Variants in MCC observed in about 807,000 individuals in gnomAD.
MCC encodes colorectal mutant cancer protein.
MCC carries 90 observed loss-of-function variants against 116.2 expected under a neutral mutation model. That is an observed-to-expected ratio of 0.77 (90% confidence interval 0.65 to 0.92). The LOEUF (loss-of-function observed/expected upper bound fraction) is 0.92. MCC is among the 40% of genes least tolerant of loss of function. The pLI, the probability that MCC is intolerant of heterozygous loss-of-function variation, is 0.00. For synonymous variants in MCC, 578 were observed against 510.5 expected (o/e 1.13, Z -1.78); for missense variants, 1,516 against 1,312.2 (o/e 1.16, Z -2.40).
chr5:113,070,615 G>A lies in MCC; in HGVS notation c.1925+479C>T, dbSNP rs562034806. Among the ~76,000 whole-genome samples the A allele has an allele frequency of 8.2e-4, 125 of 152,230 alleles. 1 individual carries two copies. Among genetic ancestry groups the A allele is most frequent in the Non-Finnish European group, 1.6e-3 (106 of 68,002 alleles). ...TATCTGCATTAAATTATTCATCATA[G>A]AATTATTTTTAATATCAAAAGTCTA... is the stretch of plus-strand genomic sequence containing the variant. On this transcript the variant is annotated intron_variant, in intron 12 of 18. Coordinates refer to ENST00000408903, the MANE Select transcript of MCC (RefSeq NM_001085377.2).
intron 15 of MCC, among the ~76,000 whole-genome samples, chr5:113,053,386 A>T (rs1030430579): frequency 2.0e-5 from 3 of 152,134 alleles, no homozygotes; most frequent in African/African-American, 7.2e-5. Flanking sequence ...CAGCAACCCA[A>T]GACATATTTC....
At chr5:113,248,486 C>G (rs2150342450) in intron 3 of MCC, among the ~76,000 whole-genome samples, 1 of 152,206 alleles carries the variant, frequency 6.6e-6, no homozygotes, top group Admixed American at 6.5e-5. Flanking sequence ...ATGAGCATCC[C>G]AACTTTGAAA....
chr5:113,426,678 A>T (rs900763866), intron 1 of MCC, among the ~76,000 whole-genome samples: 2 of 152,184 alleles, frequency 1.3e-5, no homozygotes, highest in African/African-American at 4.8e-5. Context: ...ATGAACAAAG[A>T]AAAGGAAAAG....
chr5:113,076,123 G>C (rs1282531016), intron 11 of MCC, among the ~76,000 whole-genome samples: 1 of 152,130 alleles, frequency 6.6e-6, no homozygotes, highest in East Asian at 1.9e-4. Context: ...AAGTCAGCAA[G>C]ACCAAGAACC....
intron 3 of MCC, among the ~76,000 whole-genome samples, chr5:113,276,003 C>T (rs1338176061): frequency 1.3e-5 from 2 of 150,690 alleles, no homozygotes; most frequent in African/African-American, 4.9e-5. Flanking sequence ...CAGGCCAACC[C>T]CAACTCCCAT....
At chr5:113,101,495 A>C in intron 8 of MCC, 1 of 527,300 alleles carries the variant, frequency 1.9e-6, no homozygotes, top group East Asian at 3.2e-5. Context: ...CCCCGATGTA[A>C]TTTTATCAAC....
At chr5:113,191,510 A>T (rs1197202065) in intron 3 of MCC, among the ~76,000 whole-genome samples, 2 of 152,136 alleles carry the variant, frequency 1.3e-5, no homozygotes, top group Non-Finnish European at 2.9e-5. Context: ...GTTCCTTTAG[A>T]CAGGTGGAAG....
chr5:113,429,754 T>C (rs1010937373), intron 1 of MCC, among the ~76,000 whole-genome samples: 21 of 152,210 alleles, frequency 1.4e-4, no homozygotes, highest in Non-Finnish European at 4.4e-5. Context: ...AGAGAAATTC[T>C]GAGGGCACTT....
At chr5:113,311,217 C>A (rs1278946326) in intron 3 of MCC, among the ~76,000 whole-genome samples, 1 of 152,188 alleles carries the variant, frequency 6.6e-6, no homozygotes, top group East Asian at 1.9e-4. Context: ...CATACTTTAC[C>A]CATGCCTGTA....
At chr5:113,467,487 T>G (rs1771944552) in intron 1 of MCC, among the ~76,000 whole-genome samples, 1 of 152,184 alleles carries the variant, frequency 6.6e-6, no homozygotes, top group Non-Finnish European at 1.5e-5. Context: ...AAAGATCAGA[T>G]AGTTGTAGAT....
At chr5:113,069,719 C>A (rs1303001306) in intron 12 of MCC, among the ~76,000 whole-genome samples, 1 of 152,168 alleles carries the variant, frequency 6.6e-6, no homozygotes, top group Non-Finnish European at 1.5e-5. Context: ...GTAGCTGGGA[C>A]TACAGGCGTC....
intron 16 of MCC, among the ~76,000 whole-genome samples, chr5:113,045,274 TTGGAA>T (rs1434771975): frequency 6.6e-6 from 1 of 152,134 alleles, no homozygotes; most frequent in Non-Finnish European, 1.5e-5. Context: ...TGGATAAGAT[TTGGAA>T]TCCAGCTGTG....
intron 3 of MCC, among the ~76,000 whole-genome samples, chr5:113,205,282 G>C (rs920464395): frequency 2.0e-5 from 3 of 152,132 alleles, no homozygotes; most frequent in Admixed American, 2.0e-4. Flanking sequence ...ACAGTTAAAG[G>C]CCTAGAGGCA....
chr5:113,227,685 A>G (rs1763796007), intron 3 of MCC, among the ~76,000 whole-genome samples: 1 of 152,256 alleles, frequency 6.6e-6, no homozygotes, highest in African/African-American at 2.4e-5. Context: ...GATGGCTTAT[A>G]AATTTTTCAT....
chr5:113,128,397 C>T (rs1021581556), intron 5 of MCC, among the ~76,000 whole-genome samples: 2 of 152,132 alleles, frequency 1.3e-5, no homozygotes, highest in Non-Finnish European at 2.9e-5. Flanking sequence ...GGCTGGCTTT[C>T]TTTTAAAGAA....
chr5:113,142,200 A>C (rs1759220361), intron 5 of MCC, among the ~76,000 whole-genome samples: 1 of 147,188 alleles, frequency 6.8e-6, no homozygotes. Context: ...ATGCATCCAA[A>C]GTTTCCTCTG....
chr5:113,459,419 T>A (rs1419153844), intron 1 of MCC, among the ~76,000 whole-genome samples: 1 of 151,680 alleles, frequency 6.6e-6, no homozygotes, highest in Non-Finnish European at 1.5e-5. Flanking sequence ...GTGCCTGTAG[T>A]CCCAGCTACT....
chr5:113,176,734 T>A (rs1761355193), intron 3 of MCC, among the ~76,000 whole-genome samples: 1 of 152,200 alleles, frequency 6.6e-6, no homozygotes, highest in South Asian at 2.1e-4. Context: ...TACAGGCCCA[T>A]TTACCCAAAC....
intron 1 of MCC, among the ~76,000 whole-genome samples, chr5:113,400,333 G>C (rs1365373380): frequency 6.6e-6 from 1 of 151,914 alleles, no homozygotes; most frequent in Non-Finnish European, 1.5e-5. Context: ...ATAATGGCCA[G>C]GCTGGTCTCA....
Sources: allele counts gnomAD v4.1 joint callset (sites outside exome capture counted in the v4.1 genomes callset), GRCh38; gene constraint gnomAD v4.1.1; transcripts MANE v1.5; gene names NCBI Gene and HGNC (gene_info 2026-07-23, HGNC 2026-07-21).